DUSP5: variants seen among roughly 807,000 people sequenced by gnomAD.
DUSP5 encodes dual specificity phosphatase 5, also known as dual specificity protein phosphatase 5.
Under a neutral mutation model 33.6 loss-of-function variants are expected in DUSP5, and 22 were observed. That is an observed-to-expected ratio of 0.66 (90% CI 0.47 to 0.94). The LOEUF is 0.94. Ranked by LOEUF, DUSP5 falls within the 40% of genes least tolerant of loss-of-function variation. The probability of loss-of-function intolerance (pLI) is 0.00; values close to 1 mark genes in which losing one functional copy is unlikely to be tolerated. For missense variants in DUSP5, 551 were observed against 522.1 expected, an observed-to-expected ratio of 1.06 and a Z score of -0.54; for synonymous variants, 270 against 231.1, an observed-to-expected ratio of 1.17 and a Z score of -1.53.
rs1229258947 is a variant in DUSP5, at chr10:110,507,172, C to T, written c.748+18C>T. On this transcript the variant is annotated intron_variant, in intron 3 of 3. Coordinates refer to ENST00000369583, the MANE Select transcript of DUSP5 (RefSeq NM_004419.4). ...CTTCATTGGTAGGTTTAGCCATTCC[C>T]CTTCAGTTATTTTGGGAGCCCCTTT... The T allele has an allele frequency of 6.2e-7, 1 of 1,606,358 alleles. No homozygotes were observed. The highest frequency in any genetic ancestry group is 1.1e-5 in the South Asian group (1 of 90,930).
intron 1 of DUSP5, among the ~76,000 whole-genome samples, chr10:110,502,295 C>CAGAT (rs2134658571): frequency 6.6e-6 from 1 of 152,286 alleles, no homozygotes; most frequent in South Asian, 2.1e-4. Context: ...CTGCTTAGAG[C>CAGAT]AGATGGGCTG....
At chr10:110,507,975 C>A (rs1411118367) in intron 3 of DUSP5, among the ~76,000 whole-genome samples, 4 of 152,238 alleles carry the variant, frequency 2.6e-5, no homozygotes, top group Admixed American at 6.5e-5. Context: ...CAGCTCCCAT[C>A]TTCCTCTTTA....
rs375225612 is a variant in DUSP5, at chr10:110,498,286, C to G, written c.165C>G (p.Ala55=). Reference sequence around the variant, plus strand: ...TCAACTCGGTGGTGCTGCGGCGGGCCCGGGGCGGCGCGGTGTCGGCGCGCT... The same window carrying G: ...TCAACTCGGTGGTGCTGCGGCGGGCGCGGGGCGGCGCGGTGTCGGCGCGCT... ...VNLNSVVLRR[A]RGGAVSARYV... is the part of the protein sequence containing the mutation. Residue 55 remains alanine (A), a synonymous_variant, in exon 1 of 4, where the codon GCC becomes GCG. Transcript: ENST00000369583. 10 of 1,451,974 alleles carry G rather than the reference C, an allele frequency of 6.9e-6. No individual in the cohort carries two copies. In the East Asian group the frequency reaches 2.9e-4, roughly 43 times the overall value. The allele number at this position is 1,451,974 out of a possible 1,614,324, so 89.9% of individuals were successfully genotyped here.
At chr10:110,498,632 T>G in intron 1 of DUSP5, 132 bp downstream of exon 1, 2 of 1,266,996 alleles carry the variant, frequency 1.6e-6, no homozygotes, top group Non-Finnish European at 2.0e-6. Context: ...TGTGGCTTGT[T>G]GTGCGCTTGG....
intron 2 of DUSP5, among the ~76,000 whole-genome samples, chr10:110,505,943 C>G (rs1057444750): frequency 6.6e-6 from 1 of 152,136 alleles, no homozygotes; most frequent in Non-Finnish European, 1.5e-5. Context: ...AACAAACCCC[C>G]GTGTGAAGAA....
chr10:110,502,683 G>T (rs1860068425), intron 1 of DUSP5, 38 bp from the exon 2 acceptor site: 24 of 1,604,010 alleles, frequency 1.5e-5, no homozygotes, highest in Non-Finnish European at 1.8e-5. Flanking sequence ...AGAAATTGAT[G>T]CTTACCATCT....
intron 1 of DUSP5, among the ~76,000 whole-genome samples, chr10:110,501,826 G>T (rs753884074): frequency 5.3e-5 from 8 of 152,156 alleles, no homozygotes; most frequent in Non-Finnish European, 1.2e-4. Flanking sequence ...ACTGAAATGG[G>T]CCCAAGAAGG....
intron 2 of DUSP5, among the ~76,000 whole-genome samples, chr10:110,504,604 C>T (rs1860096610): frequency 6.6e-6 from 1 of 152,212 alleles, no homozygotes; most frequent in Admixed American, 6.5e-5. Flanking sequence ...TGAATCTGGA[C>T]TTGGAACTCT....
At chr10:110,509,475 G>A (rs371033551) in intron 3 of DUSP5, among the ~76,000 whole-genome samples, 7 of 152,326 alleles carry the variant, frequency 4.6e-5, no homozygotes, top group South Asian at 2.1e-4. Context: ...CAGGGTGCCC[G>A]GAGAGACCGG....
intron 2 of DUSP5, among the ~76,000 whole-genome samples, chr10:110,504,530 G>T (rs966056227): frequency 1.2e-4 from 19 of 152,332 alleles, no homozygotes; most frequent in African/African-American, 4.1e-4. Context: ...CATCCAGCCT[G>T]CTCCTTAAAG....
rs763888167 is a variant in DUSP5 at position 110,498,250 on chromosome 10, C to G, written c.129C>G (p.Leu43=). 2.0e-6 allele frequency: 3 copies of G among 1,503,372 alleles called. No individual in the cohort carries two copies. In the East Asian group the frequency reaches 8.5e-5, roughly 43 times the overall value. The allele number at this position is 1,503,372 out of a possible 1,614,324, so 93.1% of individuals were successfully genotyped here. Residue 43 remains leucine, a synonymous_variant, in exon 1 of 4, where the codon CTC becomes CTG. Coordinates refer to ENST00000369583, the MANE Select transcript of DUSP5 (RefSeq NM_004419.4). The stretch of plus-strand genomic sequence containing the variant: ...CTGCCTCGAACGTGCGCGGCTCGCT[C>G]AACGTCAACCTCAACTCGGTGGTGC... ...AFAASNVRGS[L]NVNLNSVVLR...
At chr10:110,507,564 A>G (rs1027179976) in intron 3 of DUSP5, among the ~76,000 whole-genome samples, 2 of 152,176 alleles carry the variant, frequency 1.3e-5, no homozygotes, top group Non-Finnish European at 2.9e-5. Flanking sequence ...CTACTTACGC[A>G]CTGAGCCCCA....
intron 1 of DUSP5, among the ~76,000 whole-genome samples, chr10:110,502,365 C>T (rs1590516078): frequency 6.6e-6 from 1 of 152,220 alleles, no homozygotes; most frequent in Non-Finnish European, 1.5e-5. Context: ...TGGGTAATCA[C>T]ACCTTCCTTT....
intron 2 of DUSP5, among the ~76,000 whole-genome samples, chr10:110,505,334 C>G (rs1315365689): frequency 6.6e-6 from 1 of 152,168 alleles, no homozygotes; most frequent in African/African-American, 2.4e-5. Context: ...TGTTACCTAC[C>G]TCACAGATTT....
chr10:110,501,754 G>A (rs759115590), intron 1 of DUSP5, among the ~76,000 whole-genome samples: 3 of 152,164 alleles, frequency 2.0e-5, no homozygotes, highest in Admixed American at 6.5e-5. Flanking sequence ...CTGGCCTGTT[G>A]CACCTGGCAG....
chr10:110,503,518 G>C (rs996603444), intron 2 of DUSP5: 15 of 152,184 alleles, frequency 9.9e-5, no homozygotes, highest in African/African-American at 3.6e-4. Context: ...TTCTAAAAAT[G>C]AGTGCTTTGT....
At position 110,500,146 on chromosome 10, in the gene DUSP5, A is replaced by T. The variant is rs1055031341; in HGVS notation, c.379+1646A>T. On this transcript the variant is annotated intron_variant, in intron 1 of 3. Transcript: ENST00000369583. The stretch of plus-strand genomic sequence containing the variant: ...TTTGTTTACCTTTAGATAGTTTTTC[A>T]TAAGTATCTTAGAAATAGATTGATT... Among the ~76,000 whole-genome samples the T allele has an allele frequency of 3.3e-5, 5 of 152,350 alleles. No individual in the cohort carries two copies. The South Asian group carries it at 8.3e-4, about 25-fold the overall frequency.
Position 110,498,141 on chromosome 10 carries a change from ACGGG to A in DUSP5, c.23_26del (p.Gly8AlafsTer135). 6.9e-7 allele frequency: 1 copy of A among 1,447,692 alleles called. No homozygotes were observed. The highest frequency in any genetic ancestry group is 9.1e-7 in the Non-Finnish European group (1 of 1,094,454). The allele number at this position is 1,447,692 out of a possible 1,614,324, so 89.7% of individuals were successfully genotyped here. A position where few individuals can be genotyped will look rare whatever the true frequency, so the allele number is the denominator to read the frequency against. On this transcript the variant is annotated frameshift_variant, in exon 1 of 4. Coordinates refer to ENST00000369583, the MANE Select transcript of DUSP5 (RefSeq NM_004419.4). LOFTEE classifies it high-confidence loss of function. ...GGCGGCATGAAGGTCACGTCGCTCG[ACGGG>A]CGCCAGCTGCGCAAGATGCTCCGCA...
chr10:110,498,620 C>G (rs912440367), intron 1 of DUSP5, 120 bp downstream of exon 1: 21 of 1,278,200 alleles, frequency 1.6e-5, no homozygotes, highest in Non-Finnish European at 2.0e-5. Context: ...GAGTCTGCAC[C>G]CTGTGGCTTG....
Sources: gnomAD v4.1 joint callset for allele counts (sites outside exome capture counted in the v4.1 genomes callset) on GRCh38, gnomAD v4.1.1 for gene constraint, MANE v1.5 for transcripts, NCBI Gene and HGNC (gene_info 2026-07-23, HGNC 2026-07-21) for gene names.